The following CDH13 variants were observed in gnomAD, a reference collection of about 807,000 sequenced individuals.
CDH13 encodes the protein cadherin-13.
In CDH13, 24 loss-of-function variants were observed where a neutral mutation model predicts 63.8. The observed-to-expected ratio is 0.38, with a 90% CI of 0.27 to 0.53. The LOEUF (loss-of-function observed/expected upper bound fraction) is 0.53, where lower values mean the gene tolerates loss of function less well. Among genes scored for constraint, CDH13 ranks in the 20% least tolerant of loss-of-function variants. CDH13 has a pLI of 0.85. For missense variants in CDH13, 1,049 were observed against 903.1 expected, an observed-to-expected ratio of 1.16 and a Z score of -2.07; for synonymous variants, 503 against 355.3, an observed-to-expected ratio of 1.42 and a Z score of -4.67.
chr16:83,424,541 A>G (rs1369616939), intron 6 of CDH13, among the ~76,000 whole-genome samples: 4 of 152,164 alleles, frequency 2.6e-5, no homozygotes, highest in South Asian at 2.1e-4. Context: ...GTAATTCTGG[A>G]TGGAATATTA....
Position 82,848,554 on chromosome 16 carries a change from G to A in CDH13, c.46-9808G>A, listed in dbSNP as rs575087392. On this transcript the variant is annotated intron_variant, in intron 1 of 13. Coordinates refer to ENST00000567109, the MANE Select transcript of CDH13 (RefSeq NM_001257.5). Reference sequence around the variant, plus strand: ...TGGTGATGTCTGATCAGTGACCTTTGATGTTACTATTGTGATTTTTTTTTT... The same window carrying A: ...TGGTGATGTCTGATCAGTGACCTTTAATGTTACTATTGTGATTTTTTTTTT... 3.4e-5 allele frequency among the ~76,000 whole-genome samples: 5 copies of A among 148,058 alleles called. No homozygotes were observed. The East Asian group carries it at 8.5e-4, about 25-fold the overall frequency.
intron 7 of CDH13, among the ~76,000 whole-genome samples, chr16:83,588,551 C>T (rs1906403806): frequency 1.3e-5 from 2 of 152,164 alleles, no homozygotes; most frequent in African/African-American, 4.8e-5. Flanking sequence ...GGCACTGGGG[C>T]TATGGCAGGA....
chr16:83,191,838 G>T (rs930256003), intron 4 of CDH13, among the ~76,000 whole-genome samples: 1 of 151,936 alleles, frequency 6.6e-6, no homozygotes, highest in African/African-American at 2.4e-5. Flanking sequence ...CAGATTAAGG[G>T]TGGGTCTGCC....
At chr16:83,603,652 C>A (rs904649216) in intron 8 of CDH13, among the ~76,000 whole-genome samples, 5 of 152,176 alleles carry the variant, frequency 3.3e-5, no homozygotes, top group African/African-American at 1.2e-4. Flanking sequence ...AGTTGCCCCA[C>A]TGCTCTCTGG....
At chr16:82,657,948 GAT>G in intron 1 of CDH13, among the ~76,000 whole-genome samples, 1 of 152,160 alleles carries the variant, frequency 6.6e-6, no homozygotes, top group Non-Finnish European at 1.5e-5. Context: ...CTTCCAGGAC[GAT>G]GTTGAAAAAC....
chr16:82,797,225 G>A (rs191611952), intron 1 of CDH13, among the ~76,000 whole-genome samples: 116 of 152,250 alleles, frequency 7.6e-4, no homozygotes, highest in Non-Finnish European at 9.3e-4. Context: ...ACGGTTTGCT[G>A]TACACTGTGT....
chr16:83,527,391 G>A (rs1342974404), intron 7 of CDH13, among the ~76,000 whole-genome samples: 1 of 152,052 alleles, frequency 6.6e-6, no homozygotes, highest in African/African-American at 2.4e-5. Context: ...AGAGCTTGCA[G>A]TGAGCCGAGA....
At chr16:82,682,460 G>T (rs1291448650) in intron 1 of CDH13, among the ~76,000 whole-genome samples, 3 of 152,198 alleles carry the variant, frequency 2.0e-5, no homozygotes, top group Admixed American at 1.3e-4. Context: ...AACAAATGTG[G>T]TCCCTCAAGT....
At chr16:83,046,383 T>C (rs1433014306) in intron 3 of CDH13, among the ~76,000 whole-genome samples, 1 of 152,150 alleles carries the variant, frequency 6.6e-6, no homozygotes, top group African/African-American at 2.4e-5. Context: ...GAAAACCAAT[T>C]TGGCAAACAC....
At chr16:83,357,860 C>T (rs1247122333) in intron 6 of CDH13, among the ~76,000 whole-genome samples, 1 of 152,170 alleles carries the variant, frequency 6.6e-6, no homozygotes, top group South Asian at 2.1e-4. Context: ...GGAACCCATT[C>T]CTCTAAGCAG....
At chr16:83,439,672 G>A (rs563347455) in intron 6 of CDH13, among the ~76,000 whole-genome samples, 10 of 152,272 alleles carry the variant, frequency 6.6e-5, no homozygotes, top group Non-Finnish European at 1.0e-4. Context: ...GCATAATTAC[G>A]GAATGGCCTT....
intron 5 of CDH13, among the ~76,000 whole-genome samples, chr16:83,325,254 A>G (rs1221842995): frequency 6.6e-6 from 1 of 151,480 alleles, no homozygotes; most frequent in Non-Finnish European, 1.5e-5. Flanking sequence ...TTGAGCTACA[A>G]TAGGGGCACC....
intron 7 of CDH13, among the ~76,000 whole-genome samples, chr16:83,565,433 C>T (rs77498578): frequency 0.022 from 3,047 of 138,434 alleles, 94 homozygotes; most frequent in African/African-American, 0.073. Flanking sequence ...GACTGATTAC[C>T]GAGTCTCTTC....
At chr16:83,706,926 GACTC>G (rs1181169081) in intron 10 of CDH13, among the ~76,000 whole-genome samples, 1 of 87,304 alleles carries the variant, frequency 1.1e-5, no homozygotes, top group African/African-American at 5.0e-5. Context: ...TCTTGAGTCG[GACTC>G]ACTTCATCCC....
chr16:83,590,602 T>TAA (rs929266727), intron 7 of CDH13, among the ~76,000 whole-genome samples: 1 of 151,248 alleles, frequency 6.6e-6, no homozygotes, highest in Non-Finnish European at 1.5e-5. Context: ...GAAATGGACG[T>TAA]AAAAAAAAAG....
At chr16:83,765,346 AC>A (rs948734004) in intron 11 of CDH13, among the ~76,000 whole-genome samples, 74 of 149,726 alleles carry the variant, frequency 4.9e-4, no homozygotes, top group Admixed American at 1.3e-3. Context: ...GGAAAAAAAA[AC>A]CAAAAAGTTG....
intron 1 of CDH13, among the ~76,000 whole-genome samples, chr16:82,843,209 C>G (rs557169696): frequency 6.6e-6 from 1 of 152,116 alleles, no homozygotes; most frequent in Non-Finnish European, 1.5e-5. Context: ...GGGACCTTGC[C>G]TTTTTGTGTA....
chr16:83,632,507 C>G (rs934194508), intron 8 of CDH13, among the ~76,000 whole-genome samples: 46 of 151,992 alleles, frequency 3.0e-4, no homozygotes, highest in Non-Finnish European at 5.1e-4. Context: ...CTACTAGACC[C>G]TCCAGTTCTC....
At chr16:83,229,644 G>T (rs1358827092) in intron 5 of CDH13, among the ~76,000 whole-genome samples, 7 of 152,102 alleles carry the variant, frequency 4.6e-5, no homozygotes, top group Non-Finnish European at 7.3e-5. Context: ...TCCCAGTGAG[G>T]CATTAGGTAG....
Sources: allele counts gnomAD v4.1 joint callset (sites outside exome capture counted in the v4.1 genomes callset), GRCh38; gene constraint gnomAD v4.1.1; transcripts MANE v1.5; gene names NCBI Gene and HGNC (gene_info 2026-07-23, HGNC 2026-07-21).